SAMD14: variants seen among roughly 807,000 people sequenced by gnomAD.
The protein encoded by SAMD14 is sterile alpha motif domain containing 14, also known as sterile alpha motif domain-containing protein 14.
Under a neutral mutation model 46.2 loss-of-function variants are expected in SAMD14, and 27 were observed. The ratio of observed to expected loss-of-function variants is 0.58; its 90% CI spans 0.43 to 0.81. The LOEUF is 0.81. Ranked by LOEUF, SAMD14 falls within the 30% of genes least tolerant of loss-of-function variation. The pLI, the probability that SAMD14 is intolerant of heterozygous loss-of-function variation, is 0.00. For missense variants in SAMD14, 559 were observed against 582.2 expected (o/e 0.96, Z 0.41); for synonymous variants, 241 against 254.3 (o/e 0.95, Z 0.50).
intron 7 of SAMD14, chr17:50,114,610 G>C: frequency 1.6e-6 from 1 of 629,772 alleles, no homozygotes. Context: ...ATTCCCCCAG[G>C]CTGGGTCAGG....
rs548286399 is a variant in SAMD14 at position 50,112,724 on chromosome 17, G to A, written c.*169C>T. Reference sequence around the variant, plus strand: ...CTCTCCCTGGGGTCTCCCTTTCTGGGGTCTCTGGGTCTAGACCAAGTGACA... The same window carrying A: ...CTCTCCCTGGGGTCTCCCTTTCTGGAGTCTCTGGGTCTAGACCAAGTGACA... On this transcript the variant is annotated 3_prime_UTR_variant, in exon 10 of 10. Transcript: ENST00000330175. 1.4e-6 allele frequency: 1 copy of A among 716,954 alleles called. No individual in the cohort carries two copies. The highest frequency in any genetic ancestry group is 2.1e-5 in the South Asian group (1 of 47,068). 44.4% of individuals were successfully genotyped at this position (716,954 alleles called of 1,614,324 possible).
intron 1 of SAMD14, among the ~76,000 whole-genome samples, chr17:50,126,507 A>G (rs11079897): frequency 0.36 from 54,804 of 151,516 alleles, 10,910 homozygotes; most frequent in African/African-American, 0.54. Flanking sequence ...GGGTTTCACC[A>G]TGTTAGCCAG....
At position 50,116,174 on chromosome 17, in the gene SAMD14, C is replaced by T. The variant is rs553774194; in HGVS notation, c.500-84G>A. On this transcript the variant is annotated intron_variant, in intron 4 of 9. Coordinates refer to ENST00000330175, the MANE Select transcript of SAMD14 (RefSeq NM_001257359.2). ...CTGCCAGTGTGGGGTGGTAGAAATT[C>T]TCTTGACTTAGAATCAGGCATCCTG... 17 of 1,515,620 alleles carry T rather than the reference C, an allele frequency of 1.1e-5. No individual in the cohort carries two copies. The African/African-American group carries it at 2.2e-4, about 20-fold the overall frequency. 93.9% of individuals were successfully genotyped at this position (1,515,620 alleles called of 1,614,324 possible). A position where few individuals can be genotyped will look rare whatever the true frequency, so the allele number is the denominator to read the frequency against.
At chr17:50,113,652 GGT>G (rs1910999237) in intron 9 of SAMD14, 1 of 497,670 alleles carries the variant, frequency 2.0e-6, no homozygotes, top group African/African-American at 1.9e-5. Flanking sequence ...TAGAGGGCAA[GGT>G]CAGCCTGGAG....
At chr17:50,114,607 C>G in intron 7 of SAMD14, 1 of 629,262 alleles carries the variant, frequency 1.6e-6, no homozygotes, top group South Asian at 2.0e-5. Flanking sequence ...GAGATTCCCC[C>G]AGGCTGGGTC....
At chr17:50,117,835 G>C (rs1368037646) in intron 3 of SAMD14, 140 bp from the exon 4 acceptor site, 11 of 914,676 alleles carry the variant, frequency 1.2e-5, no homozygotes, top group African/African-American at 5.3e-5. Flanking sequence ...CTTAGGCAGC[G>C]GGGTGGCTGG....
intron 4 of SAMD14, 151 bp downstream of exon 4, chr17:50,117,256 T>C: frequency 1.3e-6 from 1 of 747,514 alleles, no homozygotes; most frequent in Non-Finnish European, 1.8e-6. Context: ...AGGCGCTCGG[T>C]AAAGAATGAG....
chr17:50,118,035 A>G, intron 3 of SAMD14, 126 bp downstream of exon 3: 4 of 1,017,148 alleles, frequency 3.9e-6, no homozygotes, highest in Non-Finnish European at 5.7e-6. Flanking sequence ...AACACTTGGC[A>G]GCATTACTAG....
chr17:50,113,900 C>A, intron 9 of SAMD14, 24 bp downstream of exon 9: 2 of 1,613,496 alleles, frequency 1.2e-6, no homozygotes, highest in South Asian at 2.2e-5. Context: ...TGGGCTGGGT[C>A]ATGGCCCTTC....
At chr17:50,124,761 A>ACGCGCACGCGCG (rs1555563082) in intron 2 of SAMD14, among the ~76,000 whole-genome samples, 156 bp downstream of exon 2, 6 of 108,142 alleles carry the variant, frequency 5.5e-5, no homozygotes, top group African/African-American at 2.0e-4. Flanking sequence ...GCACGCGTGC[A>ACGCGCACGCGCG]CGCGCGCGCG....
chr17:50,114,059 G>T lies in SAMD14; in HGVS notation c.963C>A (p.Pro321=). Residue 321 remains proline (P), a synonymous_variant, in exon 9 of 10, where the codon CCC becomes CCA. Coordinates refer to ENST00000330175, the MANE Select transcript of SAMD14 (RefSeq NM_001257359.2). The part of the protein sequence containing the change: ...SSDEFLDEPL[P]PVHHWTSQQV... ...GCTGGCTGGTCCAGTGGTGGACAGG[G>T]GGGAGGGGTTCATCCAGGAACTGGG... The T allele has an allele frequency of 6.2e-7, 1 of 1,613,682 alleles. No homozygotes were observed. Among genetic ancestry groups the T allele is most frequent in the Non-Finnish European group, 8.5e-7 (1 of 1,180,028 alleles).
rs2239952 is a variant in SAMD14, at chr17:50,112,554, C to T, written c.*339G>A. 0.14 allele frequency: 27,225 copies of T among 191,948 alleles called. 3,027 individuals are homozygous for T. Among genetic ancestry groups the T allele is most frequent in the East Asian group, 0.54 (4,032 of 7,462 alleles). The allele number at this position is 191,948 out of a possible 1,614,324, so 11.9% of individuals were successfully genotyped here. On this transcript the variant is annotated 3_prime_UTR_variant, in exon 10 of 10. Coordinates refer to ENST00000330175, the MANE Select transcript of SAMD14 (RefSeq NM_001257359.2). Reference sequence around the variant, plus strand: ...CTAGCTCCCCTCCACCCCAGCCCCACGATGGCCTGAGGGCAATGGGACAGC... The same window carrying T: ...CTAGCTCCCCTCCACCCCAGCCCCATGATGGCCTGAGGGCAATGGGACAGC...
chr17:50,124,023 G>C, intron 2 of SAMD14: 1 of 452,542 alleles, frequency 2.2e-6, no homozygotes, highest in Non-Finnish European at 4.5e-6. Context: ...AGAAGGGAGA[G>C]ATGAGGAGAA....
chr17:50,128,492 A>T (rs1267284180), intron 1 of SAMD14, among the ~76,000 whole-genome samples: 1 of 148,182 alleles, frequency 6.7e-6, no homozygotes, highest in African/African-American at 2.6e-5. Context: ...TCACACACAC[A>T]CACACACACA....
rs757620468 is a variant in SAMD14 at position 50,112,921 on chromosome 17, C to T, written c.1226G>A (p.Arg409His). 25 of 1,607,152 alleles carry T rather than the reference C, an allele frequency of 1.6e-5. No homozygotes were observed. Among genetic ancestry groups the T allele is most frequent in the East Asian group, 4.5e-5 (2 of 44,876 alleles). Residue 409 changes from arginine to histidine, a missense_variant, in exon 10 of 10, where the codon CGC becomes CAC. Arg to His is a conservative substitution (Grantham distance 29). Transcript: ENST00000330175. ...GCTCTTCTTGGCCTCCTGCTCTCGG[C>T]GCCGGAGCTTCTCCCGCTGCCGCGC... ...KAARQREKLR[R>H]REQEAKKS
rs1598220334 is a variant in SAMD14 at position 50,112,983 on chromosome 17, T to G, written c.1164A>C (p.Ala388=). Reference sequence around the variant, plus strand: ...GGGCCTTGCGCTCCTTCTCGGCAGCTGCTGCCATCTCCTTCAACTTGCGCT... The same window carrying G: ...GGGCCTTGCGCTCCTTCTCGGCAGCGGCTGCCATCTCCTTCAACTTGCGCT... ...LVKRKLKEMA[A]AAEKERKAQE... The change falls in exon 10 of 10, where the codon GCA becomes GCC. Residue 388 remains alanine, a synonymous_variant. Coordinates refer to ENST00000330175, the MANE Select transcript of SAMD14 (RefSeq NM_001257359.2). The G allele has an allele frequency of 6.2e-7, 1 of 1,611,992 alleles. No individual in the cohort carries two copies. The highest frequency in any genetic ancestry group is 8.5e-7 in the Non-Finnish European group (1 of 1,179,988).
chr17:50,115,632 C>A lies in SAMD14; in HGVS notation c.754G>T (p.Gly252Cys). ...GAGCAGGTGGGGGAGGTGGTGCTACCCGAGGATGCTGAGCCCTTGCCGCTG... is the reference window on the plus strand; with the variant it reads ...GAGCAGGTGGGGGAGGTGGTGCTACACGAGGATGCTGAGCCCTTGCCGCTG... Reference protein sequence around the residue: ...TDSGKGSASSGSTTSPTCSPK... With the variant: ...TDSGKGSASSCSTTSPTCSPK... Residue 252 changes from glycine to cysteine, a missense_variant, in exon 7 of 10, where the codon GGT (glycine) becomes TGT (cysteine). Coordinates refer to ENST00000330175, the MANE Select transcript of SAMD14 (RefSeq NM_001257359.2). The surrounding 1 kb of genome is among the most constrained non-coding windows in gnomAD (Gnocchi z 5.3). The A allele has an allele frequency of 1.2e-6, 2 of 1,605,778 alleles. No individual in the cohort carries two copies. The highest frequency in any genetic ancestry group is 1.7e-6 in the Non-Finnish European group (2 of 1,174,832).
At chr17:50,124,159 G>A (rs1282364242) in intron 2 of SAMD14, 26 of 456,134 alleles carry the variant, frequency 5.7e-5, no homozygotes, top group South Asian at 2.6e-4. Flanking sequence ...CTGGGAAACC[G>A]GCTTTCCGCC....
In SAMD14 at chr17:50,130,129, A is replaced by C. The variant is rs1182703844; in HGVS notation, c.-625T>G. Among the ~76,000 whole-genome samples, 1 of 151,898 alleles carries C rather than the reference A, an allele frequency of 6.6e-6. No homozygotes were observed. The highest frequency in any genetic ancestry group is 1.5e-5 in the Non-Finnish European group (1 of 67,944). ...GGCTGGGGCCGGGGAGCGGAGTTGC[A>C]GCTACTTCTCTGCCCGCGGGAGACG... On this transcript the variant is annotated 5_prime_UTR_variant, in exon 1 of 10. Coordinates refer to ENST00000330175, the MANE Select transcript of SAMD14 (RefSeq NM_001257359.2). The surrounding 1 kb of genome is among the most constrained non-coding windows in gnomAD (Gnocchi z 4.1).
Sources: allele counts gnomAD v4.1 joint callset (sites outside exome capture counted in the v4.1 genomes callset), GRCh38; gene constraint gnomAD v4.1.1; non-coding constraint Gnocchi (gnomAD v3.1); transcripts MANE v1.5; gene names NCBI Gene and HGNC (gene_info 2026-07-23, HGNC 2026-07-21).